Variants in EVC2 observed in about 807,000 individuals in gnomAD.
EVC2 encodes the protein limbin.
EVC2 carries 148 observed loss-of-function variants against 149.3 expected under a neutral mutation model. That is an observed-to-expected ratio of 0.99 (90% CI 0.87 to 1.14). The LOEUF (loss-of-function observed/expected upper bound fraction) is 1.14. Ranked by LOEUF, EVC2 falls within the 50% of genes most tolerant of loss-of-function variation. The pLI is 0.00. For synonymous variants in EVC2, 776 were observed against 649.9 expected, an observed-to-expected ratio of 1.19 and a Z score of -2.95; for missense variants, 1,854 against 1,627.3, an observed-to-expected ratio of 1.14 and a Z score of -2.40.
intron 16 of EVC2, among the ~76,000 whole-genome samples, chr4:5,609,485 T>C (rs762000345): frequency 1.3e-5 from 2 of 152,236 alleles, no homozygotes; most frequent in South Asian, 4.1e-4. Flanking sequence ...ACTGTGAAGA[T>C]GGACTGTCAT....
intron 16 of EVC2, among the ~76,000 whole-genome samples, chr4:5,585,175 G>A (rs1403813419): frequency 6.6e-6 from 1 of 152,070 alleles, no homozygotes; most frequent in African/African-American, 2.4e-5. Context: ...CCTGAGCATG[G>A]GATCCAAGGA....
chr4:5,640,980 T>A lies in EVC2; in HGVS notation c.1146-142A>T, dbSNP rs1219607528. 8 of 947,938 alleles carry A rather than the reference T, an allele frequency of 8.4e-6. No individual in the cohort carries two copies. The highest frequency in any genetic ancestry group is 9.8e-6 in the Non-Finnish European group (6 of 614,940). The allele number at this position is 947,938 out of a possible 1,614,324, so 58.7% of individuals were successfully genotyped here. On this transcript the variant is annotated intron_variant, in intron 9 of 21. Transcript: ENST00000344408. This position sits in a 1 kb window ranked among gnomAD's most constrained non-coding sequence, Gnocchi z 4.6. ...TTTTCTTCCTTTCCCCGCTCACTTC[T>A]GCTTCATCCAGTTATTGAAGGCCAT...
chr4:5,563,215 C>T (rs1560122055), intron 21 of EVC2, 100 bp from the exon 22 acceptor site: 2 of 1,185,380 alleles, frequency 1.7e-6, no homozygotes, highest in Non-Finnish European at 2.5e-6. Context: ...TCCTGAATTC[C>T]CCAACCCAGT....
intron 16 of EVC2, among the ~76,000 whole-genome samples, chr4:5,593,395 G>C (rs765774463): frequency 1.3e-4 from 20 of 152,174 alleles, no homozygotes; most frequent in Non-Finnish European, 2.6e-4. Context: ...ACTTGCCTCA[G>C]TTTCTTTGTC....
intron 8 of EVC2, among the ~76,000 whole-genome samples, chr4:5,665,262 A>G (rs1454705732): frequency 6.6e-6 from 1 of 152,062 alleles, no homozygotes; most frequent in Non-Finnish European, 1.5e-5. Flanking sequence ...ACGTTCTGTG[A>G]TTGTGCCTAG....
At chr4:5,563,657 C>T (rs1560122405) in intron 21 of EVC2, among the ~76,000 whole-genome samples, 1 of 151,992 alleles carries the variant, frequency 6.6e-6, no homozygotes, top group Non-Finnish European at 1.5e-5. Flanking sequence ...AGGAGTTTTG[C>T]GAGCCCACTG....
intron 9 of EVC2, among the ~76,000 whole-genome samples, chr4:5,644,925 G>C (rs1164274890): frequency 6.6e-6 from 1 of 152,140 alleles, no homozygotes; most frequent in Non-Finnish European, 1.5e-5. Context: ...TTATTCATCT[G>C]TTGATGGGCA....
chr4:5,618,858 T>G lies in EVC2; in HGVS notation c.2502-176A>C, dbSNP rs952581525. 1.3e-5 allele frequency among the ~76,000 whole-genome samples: 2 copies of G among 152,222 alleles called. No homozygotes were observed. The highest frequency in any genetic ancestry group is 1.3e-4 in the Admixed American group (2 of 15,282). On this transcript the variant is annotated intron_variant, in intron 14 of 21. Transcript: ENST00000344408. The surrounding 1 kb of genome is among the most constrained non-coding windows in gnomAD (Gnocchi z 4.4). ...TTCCTTGAGCACCTAATGCATGTCG[T>G]GCTGCATAGGACATTGTATTGGAGC...
chr4:5,653,937 G>C (rs758243147), intron 9 of EVC2, among the ~76,000 whole-genome samples: 1 of 152,202 alleles, frequency 6.6e-6, no homozygotes, highest in Non-Finnish European at 1.5e-5. Flanking sequence ...AAACAGGCCG[G>C]GCATGGTGGT....
chr4:5,573,599 C>G (rs1164780870), intron 19 of EVC2, among the ~76,000 whole-genome samples: 1 of 152,188 alleles, frequency 6.6e-6, no homozygotes, highest in Non-Finnish European at 1.5e-5. Context: ...TCCGCCAACA[C>G]CTTGATTTTT....
intron 6 of EVC2, among the ~76,000 whole-genome samples, chr4:5,685,020 T>G (rs550366428): frequency 6.6e-6 from 1 of 152,360 alleles, no homozygotes; most frequent in Non-Finnish European, 1.5e-5. Context: ...TCTGTGGTAC[T>G]TTGTTATGGT....
chr4:5,575,099 C>G (rs1375577284), intron 18 of EVC2, among the ~76,000 whole-genome samples: 1 of 152,090 alleles, frequency 6.6e-6, no homozygotes, highest in East Asian at 1.9e-4. Context: ...TGGTGATGAC[C>G]AAGAAGACCA....
At chr4:5,539,549 C>G (rs1721475429), downstream of EVC2, among the ~76,000 whole-genome samples, 2 of 152,034 alleles carry the variant, frequency 1.3e-5, no homozygotes, top group East Asian at 1.9e-4. Context: ...CATAAAGCTA[C>G]AGTAATCAGG....
At position 5,625,765 on chromosome 4, in the gene EVC2, C is replaced by A; in HGVS notation, c.2030G>T (p.Arg677Leu). 1 of 1,614,130 alleles carries A rather than the reference C, an allele frequency of 6.2e-7. No homozygotes were observed. ...CTTATATACCTTTTGTAGCAACTCT[C>A]GTCTTCTCTTAGTTATTAATTTTTG... ...LHQKLITKRR[R>L]ELLQKHREQR... Residue 677 changes from arginine (R) to leucine (L), a missense_variant, in exon 13 of 22, where the codon CGA (arginine) becomes CTA (leucine). Arg to Leu is a moderately radical substitution (Grantham distance 102, BLOSUM62 -2). Coordinates refer to ENST00000344408, the MANE Select transcript of EVC2 (RefSeq NM_147127.5). This position sits in a 1 kb window ranked among gnomAD's most constrained non-coding sequence, Gnocchi z 4.0.
chr4:5,607,399 A>T (rs2108817788), intron 16 of EVC2, among the ~76,000 whole-genome samples: 1 of 152,344 alleles, frequency 6.6e-6, no homozygotes, highest in Admixed American at 6.5e-5. Context: ...CAGAAACTTG[A>T]TTAACTTATT....
At chr4:5,655,821 G>T (rs776570120) in intron 9 of EVC2, among the ~76,000 whole-genome samples, 7 of 151,900 alleles carry the variant, frequency 4.6e-5, no homozygotes, top group Non-Finnish European at 8.8e-5. Flanking sequence ...TTTCAAAATA[G>T]CTTAGAACTT....
At position 5,628,548 on chromosome 4, in the gene EVC2, T is replaced by C. The variant is rs61218140; in HGVS notation, c.1886+11A>G. 5.6e-5 allele frequency: 90 copies of C among 1,614,108 alleles called. No individual in the cohort carries two copies. The African/African-American group carries it at 1.1e-3, about 20-fold the overall frequency. The stretch of plus-strand genomic sequence containing the variant: ...GACAGTTCGCACTGTTGGGACAGTG[T>C]TGAGTGGTACCTCTCGTGCTTCTGA... On this transcript the variant is annotated intron_variant, in intron 12 of 21. Transcript: ENST00000344408.
Position 5,593,741 on chromosome 4 carries a change from C to G in EVC2, c.2830-8891G>C, listed in dbSNP as rs918462685. Among the ~76,000 whole-genome samples the G allele has an allele frequency of 1.1e-4, 16 of 152,066 alleles. 1 individual carries two copies. The highest frequency in any genetic ancestry group is 1.5e-4 in the Non-Finnish European group (10 of 68,010). ...GCGCAGGACAGTGGGTACAGTGCAC[C>G]GTGCGTGAGCCAAAGCAGGGAGAGG... On this transcript the variant is annotated intron_variant, in intron 16 of 21. Coordinates refer to ENST00000344408, the MANE Select transcript of EVC2 (RefSeq NM_147127.5).
intron 19 of EVC2, among the ~76,000 whole-genome samples, chr4:5,570,617 C>T (rs1316098218): frequency 1.3e-5 from 2 of 152,138 alleles, no homozygotes; most frequent in African/African-American, 4.8e-5. Context: ...AGTAGAATTA[C>T]CATTCGATCC....
Sources: gnomAD v4.1 joint callset for allele counts (sites outside exome capture counted in the v4.1 genomes callset) on GRCh38, gnomAD v4.1.1 for gene constraint, Gnocchi (gnomAD v3.1) non-coding constraint, MANE v1.5 for transcripts, NCBI Gene and HGNC (gene_info 2026-07-23, HGNC 2026-07-21) for gene names.